The following DCAF12 variants were observed in gnomAD, a reference collection of about 807,000 sequenced individuals.
DCAF12 encodes DDB1 and CUL4 associated factor 12.
A neutral mutation model predicts 52.8 loss-of-function variants in DCAF12; 28 were observed. The observed-to-expected ratio is 0.53, with a 90% CI of 0.39 to 0.73. The LOEUF is 0.73. DCAF12 is among the 30% of genes least tolerant of loss of function. DCAF12 has a pLI of 0.00. For missense variants in DCAF12, 425 were observed against 552.2 expected (o/e 0.77, Z 2.31); for synonymous variants, 196 against 215.5 (o/e 0.91, Z 0.79).
chr9:34,124,907 G>A (rs888602452), intron 2 of DCAF12, 116 bp downstream of exon 2: 35 of 1,322,248 alleles, frequency 2.6e-5, no homozygotes, highest in Non-Finnish European at 3.6e-5. Context: ...ATGGAAAGGA[G>A]AGTAAGGCAA....
intron 2 of DCAF12, among the ~76,000 whole-genome samples, chr9:34,124,394 G>A (rs1829217073): frequency 6.6e-6 from 1 of 152,134 alleles, no homozygotes; most frequent in Non-Finnish European, 1.5e-5. Flanking sequence ...AATTGGGTTG[G>A]TTACAAAGCT....
chr9:34,113,913 C>CT (rs1242143441), intron 2 of DCAF12, among the ~76,000 whole-genome samples: 1 of 151,868 alleles, frequency 6.6e-6, no homozygotes, highest in Non-Finnish European at 1.5e-5. Context: ...TCGAGACCAT[C>CT]CTGGCTAACA....
intron 2 of DCAF12, among the ~76,000 whole-genome samples, chr9:34,123,651 T>C (rs141814520): frequency 1.3e-5 from 2 of 152,312 alleles, no homozygotes; most frequent in African/African-American, 4.8e-5. Flanking sequence ...TTATTACTTA[T>C]TATGCTCGCC....
chr9:34,104,706 C>T (rs760613785), intron 4 of DCAF12, among the ~76,000 whole-genome samples: 1 of 151,742 alleles, frequency 6.6e-6, no homozygotes, highest in Non-Finnish European at 1.5e-5. Flanking sequence ...AACTGAGGTC[C>T]TGCATTCAAG....
intron 6 of DCAF12, chr9:34,095,958 T>C (rs1430472372): frequency 6.6e-6 from 1 of 152,162 alleles, no homozygotes; most frequent in African/African-American, 2.4e-5. Flanking sequence ...AGAATCACCC[T>C]GTCTTACTCT....
intron 7 of DCAF12, among the ~76,000 whole-genome samples, chr9:34,090,387 T>C (rs148073251): frequency 6.6e-6 from 1 of 152,106 alleles, no homozygotes; most frequent in African/African-American, 2.4e-5. Context: ...TATCTAGTAT[T>C]AGGTGTTTTG....
chr9:34,103,095 C>CA lies in DCAF12; in HGVS notation c.601+3338dup, dbSNP rs34456166. ...GGGTGACAGGGCGAGACCTTAACTC[C>CA]AAAAAAAAAAAAAAAAAAAAAAAAG... On this transcript the variant is annotated intron_variant, in intron 4 of 8. Transcript: ENST00000361264. Among the ~76,000 whole-genome samples, 478 of 99,998 alleles carry CA rather than the reference C, an allele frequency of 4.8e-3. 1 individual carries two copies. Among genetic ancestry groups the CA allele is most frequent in the East Asian group, 0.011 (34 of 2,966 alleles). 65.6% of individuals were successfully genotyped at this position (99,998 alleles called of 152,430 possible).
intron 1 of DCAF12, 47 bp downstream of exon 1, chr9:34,126,307 T>C (rs1017461090): frequency 1.2e-6 from 2 of 1,604,464 alleles, no homozygotes; most frequent in Non-Finnish European, 1.7e-6. Context: ...TAAGCCCATC[T>C]TGGTTCCTCA....
intron 6 of DCAF12, among the ~76,000 whole-genome samples, chr9:34,095,649 A>T (rs766115369): frequency 2.6e-5 from 4 of 152,064 alleles, no homozygotes; most frequent in African/African-American, 9.7e-5. Flanking sequence ...TCAACCTCCC[A>T]AAGTGTTGGG....
intron 6 of DCAF12, 92 bp downstream of exon 6, chr9:34,096,619 GATAAA>G: frequency 8.7e-7 from 1 of 1,151,872 alleles, no homozygotes; most frequent in Non-Finnish European, 1.2e-6. Context: ...TAAATGAATA[GATAAA>G]ATAAACATGA....
At chr9:34,095,324 C>T (rs1400768306) in intron 6 of DCAF12, among the ~76,000 whole-genome samples, 3 of 147,978 alleles carry the variant, frequency 2.0e-5, no homozygotes, top group South Asian at 2.2e-4. Flanking sequence ...CCACCTGCCT[C>T]GGCCTCCCAA....
At chr9:34,121,014 C>T (rs1338281681) in intron 2 of DCAF12, among the ~76,000 whole-genome samples, 2 of 151,986 alleles carry the variant, frequency 1.3e-5, no homozygotes, top group African/African-American at 2.4e-5. Context: ...ATTAGCTGTG[C>T]GTGGTGGCAT....
At chr9:34,098,576 C>G (rs1056007896) in intron 4 of DCAF12, 59 bp from the exon 5 acceptor site, 3 of 1,535,988 alleles carry the variant, frequency 2.0e-6, no homozygotes, top group East Asian at 2.3e-5. Flanking sequence ...GGAAATCCCA[C>G]AGACGCCAAA....
In DCAF12 at chr9:34,088,202, CTTCCTA is replaced by C. The variant is rs1828588973; in HGVS notation, c.*142_*147del. The C allele has an allele frequency of 3.9e-6, 3 of 768,950 alleles. No homozygotes were observed. Among genetic ancestry groups the C allele is most frequent in the Non-Finnish European group, 5.9e-6 (3 of 509,742 alleles). The allele number at this position is 768,950 out of a possible 1,614,324, so 47.6% of individuals were successfully genotyped here. A position where few individuals can be genotyped will look rare whatever the true frequency, so the allele number is the denominator to read the frequency against. On this transcript the variant is annotated 3_prime_UTR_variant, in exon 9 of 9. Coordinates refer to ENST00000361264, the MANE Select transcript of DCAF12 (RefSeq NM_015397.4). ...ACTTTCAGATTTCTGTACAGAGCTT[CTTCCTA>C]TTAAGTGCCTAAACTATAGGCAAAC...
Position 34,107,488 on chromosome 9 carries a change from G to A in DCAF12, c.411C>T (p.Thr137=). 6.2e-7 allele frequency: 1 copy of A among 1,614,082 alleles called. No homozygotes were observed. The highest frequency in any genetic ancestry group is 8.5e-7 in the Non-Finnish European group (1 of 1,180,008). Residue 137 remains threonine, a synonymous_variant, in exon 3 of 9, where the codon ACC becomes ACT. Transcript: ENST00000361264. ...TGGCATGGATACCACAGCCCTGCTG[G>A]GTCACACCTCCAGGCTCCCGGTCTT... The part of the protein sequence containing the change: ...ILKDREPGGV[T]QQGCGIHAIE...
chr9:34,106,205 G>T (rs1174884269), intron 4 of DCAF12, among the ~76,000 whole-genome samples: 2 of 152,010 alleles, frequency 1.3e-5, no homozygotes, highest in African/African-American at 4.8e-5. Flanking sequence ...CAATCCTCCT[G>T]CCTCAACCTT....
chr9:34,116,344 T>C (rs1829088243), intron 2 of DCAF12, among the ~76,000 whole-genome samples: 1 of 150,880 alleles, frequency 6.6e-6, no homozygotes, highest in South Asian at 2.1e-4. Context: ...AGAGAGTCCG[T>C]CTCAAAAATA....
chr9:34,117,469 G>A (rs916051352), intron 2 of DCAF12, among the ~76,000 whole-genome samples: 10 of 152,042 alleles, frequency 6.6e-5, no homozygotes, highest in Non-Finnish European at 1.0e-4. Context: ...TGATTTTGGA[G>A]GTCTCTGTTA....
intron 2 of DCAF12, among the ~76,000 whole-genome samples, chr9:34,116,271 C>T (rs963913928): frequency 6.6e-5 from 10 of 151,862 alleles, no homozygotes; most frequent in Admixed American, 6.6e-5. Context: ...GTAGGAGAAT[C>T]GCTTGAACCC....
Sources: gnomAD v4.1 joint callset for allele counts (sites outside exome capture counted in the v4.1 genomes callset) on GRCh38, gnomAD v4.1.1 for gene constraint, MANE v1.5 for transcripts, NCBI Gene and HGNC (gene_info 2026-07-23, HGNC 2026-07-21) for gene names.